Variants in SLC26A5 observed in about 807,000 individuals in gnomAD.
The protein encoded by SLC26A5 is solute carrier family 26 member 5.
Under a neutral mutation model 81.0 loss-of-function variants are expected in SLC26A5, and 51 were observed. The ratio of observed to expected loss-of-function variants is 0.63; its 90% CI spans 0.50 to 0.80. The LOEUF (loss-of-function observed/expected upper bound fraction) is 0.80, where lower values mean the gene tolerates loss of function less well. Among genes scored for constraint, SLC26A5 ranks in the 30% least tolerant of loss-of-function variants. The probability of loss-of-function intolerance (pLI) is 0.00; values close to 1 mark genes in which losing one functional copy is unlikely to be tolerated. For synonymous variants in SLC26A5, 325 were observed against 332.8 expected, an observed-to-expected ratio of 0.98 and a Z score of 0.25; for missense variants, 771 against 905.8, an observed-to-expected ratio of 0.85 and a Z score of 1.91.
At position 103,377,589 on chromosome 7, in the gene SLC26A5, G is replaced by A; in HGVS notation, c.1986+10C>T. The A allele has an allele frequency of 6.2e-7, 1 of 1,613,398 alleles. No homozygotes were observed. The highest frequency in any genetic ancestry group is 8.5e-7 in the Non-Finnish European group (1 of 1,179,414). On this transcript the variant is annotated intron_variant, in intron 18 of 19. Transcript: ENST00000306312. ...GAGGTATTAAATGACTCGTTCAAGA[G>A]GATGCTTACCCCTGCCAGAGTTTTC...
chr7:103,370,243 G>A (rs1820952232), downstream of SLC26A5, among the ~76,000 whole-genome samples: 2 of 152,090 alleles, frequency 1.3e-5, no homozygotes, highest in African/African-American at 4.8e-5. Flanking sequence ...TTTGCACTCA[G>A]TAAAGCATAC....
intron 2 of SLC26A5, among the ~76,000 whole-genome samples, chr7:103,422,041 A>G (rs1160558866): frequency 6.6e-6 from 1 of 152,222 alleles, no homozygotes; most frequent in African/African-American, 2.4e-5. Context: ...TTAGGCTTAC[A>G]TGTCTGTTTG....
At chr7:103,372,879 TAAAA>T (rs5886252), downstream of SLC26A5, among the ~76,000 whole-genome samples, 1 of 142,610 alleles carries the variant, frequency 7.0e-6, no homozygotes. Context: ...AAGGGAAATC[TAAAA>T]AAAAAAAAAA....
chr7:103,365,374 G>A (rs1313352502), intron 19 of SLC26A5, among the ~76,000 whole-genome samples: 1 of 152,166 alleles, frequency 6.6e-6, no homozygotes, highest in East Asian at 1.9e-4. Flanking sequence ...GCTCATGCCT[G>A]TAATCCTAGC....
intron 1 of SLC26A5, among the ~76,000 whole-genome samples, chr7:103,444,749 T>C (rs1827152136): frequency 6.6e-6 from 1 of 152,180 alleles, no homozygotes; most frequent in Admixed American, 6.5e-5. Flanking sequence ...TAGAAAGCTT[T>C]CCAAGAGTGC....
intron 4 of SLC26A5, among the ~76,000 whole-genome samples, chr7:103,417,195 C>A (rs1395894776): frequency 2.6e-5 from 4 of 151,862 alleles, no homozygotes; most frequent in African/African-American, 7.3e-5. Context: ...CATGGTGAAA[C>A]CCTGTCTCTA....
intron 2 of SLC26A5, among the ~76,000 whole-genome samples, chr7:103,439,199 C>T (rs1826686815): frequency 6.6e-6 from 1 of 152,038 alleles, no homozygotes; most frequent in Non-Finnish European, 1.5e-5. Flanking sequence ...GAAACCGAAG[C>T]CCTCTCTGCA....
chr7:103,362,270 C>T (rs1031650027), intron 19 of SLC26A5: 7 of 1,412,342 alleles, frequency 5.0e-6, no homozygotes, highest in Middle Eastern at 2.6e-4. Context: ...CCATCGGCTT[C>T]GCTGACTCCC....
chr7:103,438,165 A>G (rs148233707), intron 2 of SLC26A5, among the ~76,000 whole-genome samples: 10 of 152,272 alleles, frequency 6.6e-5, no homozygotes, highest in African/African-American at 2.2e-4. Context: ...CTGTGGATAC[A>G]AAGGGTCAAC....
intron 19 of SLC26A5, chr7:103,365,986 T>C: frequency 2.9e-6 from 3 of 1,038,230 alleles, no homozygotes; most frequent in Non-Finnish European, 4.3e-6. Flanking sequence ...CTGTTAGGAA[T>C]AAATATTGAA....
At chr7:103,437,679 G>T (rs1826554115) in intron 2 of SLC26A5, among the ~76,000 whole-genome samples, 1 of 152,140 alleles carries the variant, frequency 6.6e-6, no homozygotes, top group Admixed American at 6.5e-5. Flanking sequence ...AAAAAGCCAG[G>T]TACAGAAAGA....
intron 2 of SLC26A5, among the ~76,000 whole-genome samples, chr7:103,435,738 G>T (rs1394521595): frequency 1.3e-5 from 2 of 152,164 alleles, no homozygotes; most frequent in Non-Finnish European, 2.9e-5. Flanking sequence ...CTTTCTAGGG[G>T]ATCACTTGCA....
chr7:103,435,910 C>T (rs1826417754), intron 2 of SLC26A5, among the ~76,000 whole-genome samples: 1 of 152,036 alleles, frequency 6.6e-6, no homozygotes, highest in African/African-American at 2.4e-5. Context: ...AGTACTTATG[C>T]TTGGCCTGTC....
chr7:103,405,002 A>G (rs1471514838), intron 8 of SLC26A5, among the ~76,000 whole-genome samples: 8 of 151,708 alleles, frequency 5.3e-5, no homozygotes, highest in African/African-American at 1.5e-4. Context: ...ATGCTTCATG[A>G]AATTCTTGTG....
chr7:103,354,254 T>A (rs1018047117), intron 19 of SLC26A5, among the ~76,000 whole-genome samples: 2 of 152,176 alleles, frequency 1.3e-5, no homozygotes, highest in African/African-American at 4.8e-5. Context: ...TATTGAAAGA[T>A]ATTTGAAATC....
chr7:103,396,021 T>C (rs1823084345), intron 9 of SLC26A5, among the ~76,000 whole-genome samples: 1 of 152,242 alleles, frequency 6.6e-6, no homozygotes. Flanking sequence ...ACAACTGCCC[T>C]TGAGATAAGT....
chr7:103,435,748 A>T (rs1826404485), intron 2 of SLC26A5, among the ~76,000 whole-genome samples: 1 of 152,050 alleles, frequency 6.6e-6, no homozygotes, highest in Non-Finnish European at 1.5e-5. Context: ...GATCACTTGC[A>T]CTCCGAGGGT....
In SLC26A5 at chr7:103,446,083, C is replaced by T. The variant is rs908366516; in HGVS notation, c.-183+15G>A. ...ACCGCGACCCCCGGCCCCGCGGCCG[C>T]CCGCGCGCACTCACCAGCCCGGGCT... On this transcript the variant is annotated intron_variant, in intron 1 of 19. Transcript: ENST00000306312. 6.6e-6 allele frequency: 1 copy of T among 152,272 alleles called. No homozygotes were observed. The highest frequency in any genetic ancestry group is 1.5e-5 in the Non-Finnish European group (1 of 68,268). The allele number at this position is 152,272 out of a possible 1,614,324, so 9.4% of individuals were successfully genotyped here. A position where few individuals can be genotyped will look rare whatever the true frequency, so the allele number is the denominator to read the frequency against.
At chr7:103,440,493 A>G (rs529929928) in intron 2 of SLC26A5, among the ~76,000 whole-genome samples, 1 of 152,370 alleles carries the variant, frequency 6.6e-6, no homozygotes, top group African/African-American at 2.4e-5. Flanking sequence ...GTAATAATTA[A>G]GTTTCCATTA....
Sources: gnomAD v4.1 joint callset for allele counts (sites outside exome capture counted in the v4.1 genomes callset) on GRCh38, gnomAD v4.1.1 for gene constraint, MANE v1.5 for transcripts, NCBI Gene and HGNC (gene_info 2026-07-23, HGNC 2026-07-21) for gene names.